The following CERK variants were observed in gnomAD, a reference collection of about 807,000 sequenced individuals.
CERK encodes acylsphingosine kinase.
CERK carries 39 observed loss-of-function variants against 63.4 expected under a neutral mutation model. That is an observed-to-expected ratio of 0.61 (90% CI 0.48 to 0.80). The LOEUF (loss-of-function observed/expected upper bound fraction) is 0.80, where lower values mean the gene tolerates loss of function less well. Among genes scored for constraint, CERK ranks in the 30% least tolerant of loss-of-function variants. CERK has a pLI of 0.00. For missense variants in CERK, 670 were observed against 714.1 expected (o/e 0.94, Z 0.70); for synonymous variants, 302 against 280.0 (o/e 1.08, Z -0.78).
intron 8 of CERK, among the ~76,000 whole-genome samples, chr22:46,697,559 G>T (rs1420444398): frequency 6.6e-6 from 1 of 152,116 alleles, no homozygotes; most frequent in African/African-American, 2.4e-5. Flanking sequence ...AGGCTGAAGT[G>T]CAGTGGCACG....
Position 46,738,236 on chromosome 22 carries a change from G to A in CERK, c.-88C>T. On this transcript the variant is annotated 5_prime_UTR_variant, in exon 1 of 13. Coordinates refer to ENST00000216264, the MANE Select transcript of CERK (RefSeq NM_022766.6). ...TAGCGGCCCCTGCAGTGGCCCGGGC[G>A]GCGGGCGGCGGGCGGCGGGAGGCGG... 1 of 647,856 alleles carries A rather than the reference G, an allele frequency of 1.5e-6. No individual in the cohort carries two copies. Among genetic ancestry groups the A allele is most frequent in the Non-Finnish European group, 1.9e-6 (1 of 529,236 alleles). The allele number at this position is 647,856 out of a possible 1,614,324, so 40.1% of individuals were successfully genotyped here.
chr22:46,718,123 AG>A (rs1255298700), intron 3 of CERK, among the ~76,000 whole-genome samples: 1 of 152,220 alleles, frequency 6.6e-6, no homozygotes, highest in African/African-American at 2.4e-5. Flanking sequence ...AACAGATAAC[AG>A]GGTTAGAAGT....
intron 6 of CERK, among the ~76,000 whole-genome samples, chr22:46,705,245 G>C (rs904053070): frequency 6.6e-6 from 1 of 152,252 alleles, no homozygotes; most frequent in African/African-American, 2.4e-5. Flanking sequence ...AAGATGCAGA[G>C]AGAGTATGGA....
chr22:46,702,963 C>A (rs1158901443), intron 6 of CERK, among the ~76,000 whole-genome samples: 1 of 152,172 alleles, frequency 6.6e-6, no homozygotes, highest in Admixed American at 6.5e-5. Context: ...GAGTAACGAC[C>A]AACCACATGC....
chr22:46,736,703 T>C (rs1465996563), intron 1 of CERK, among the ~76,000 whole-genome samples: 3 of 152,146 alleles, frequency 2.0e-5, no homozygotes, highest in Non-Finnish European at 4.4e-5. Flanking sequence ...CAGCCACAGA[T>C]AGGTGACCCC....
chr22:46,689,683 C>A (rs1171694176), intron 12 of CERK, among the ~76,000 whole-genome samples: 1 of 152,054 alleles, frequency 6.6e-6, no homozygotes, highest in Admixed American at 6.6e-5. Context: ...GGGCAAAGAG[C>A]CCAATGCCAG....
chr22:46,710,415 G>A (rs1175440920), intron 5 of CERK, among the ~76,000 whole-genome samples: 2 of 146,640 alleles, frequency 1.4e-5, no homozygotes, highest in Admixed American at 6.9e-5. Flanking sequence ...CAACAAGAGC[G>A]AAACTCTGCC....
At chr22:46,732,152 G>A (rs546457903) in intron 1 of CERK, among the ~76,000 whole-genome samples, 39 of 152,232 alleles carry the variant, frequency 2.6e-4, no homozygotes, top group Admixed American at 7.2e-4. Context: ...CCGGACAGCC[G>A]AATCGAGAAC....
At chr22:46,732,694 GA>G (rs1171029879) in intron 1 of CERK, among the ~76,000 whole-genome samples, 1 of 151,496 alleles carries the variant, frequency 6.6e-6, no homozygotes, top group East Asian at 1.9e-4. Context: ...GAAGCGTCCT[GA>G]AACTTCCCCA....
At chr22:46,707,762 G>C (rs1333723465) in intron 6 of CERK, 81 bp downstream of exon 6, 1 of 1,473,966 alleles carries the variant, frequency 6.8e-7, no homozygotes, top group East Asian at 2.3e-5. Flanking sequence ...GGGTTATTAA[G>C]TGTCCGAGGT....
chr22:46,738,066 G>A lies in CERK; in HGVS notation c.83C>T (p.Ala28Val). The A allele has an allele frequency of 7.9e-7, 1 of 1,261,048 alleles. No homozygotes were observed. Among genetic ancestry groups the A allele is most frequent in the Non-Finnish European group, 1.0e-6 (1 of 998,798 alleles). 78.1% of individuals were successfully genotyped at this position (1,261,048 alleles called of 1,614,324 possible). Reference sequence around the variant, plus strand: ...CCGCCACCAGCGCAGCAGAGCCCGCGCGGGCTCCAGGCTCACGGCGCAGCG... The same window carrying A: ...CCGCCACCAGCGCAGCAGAGCCCGCACGGGCTCCAGGCTCACGGCGCAGCG... The part of the protein sequence containing the change: ...QQRCAVSLEP[A>V]RALLRWWRSP... Residue 28 changes from alanine (A) to valine (V), a missense_variant, in exon 1 of 13, where the codon GCG becomes GTG. Physicochemically the swap from Ala to Val is moderately conservative, Grantham distance 64. Coordinates refer to ENST00000216264, the MANE Select transcript of CERK (RefSeq NM_022766.6).
intron 1 of CERK, among the ~76,000 whole-genome samples, chr22:46,726,715 G>C (rs375804572): frequency 6.6e-6 from 1 of 152,128 alleles, no homozygotes; most frequent in African/African-American, 2.4e-5. Context: ...CCACTGCCAG[G>C]GAGAGTCCAG....
Position 46,714,037 on chromosome 22 carries a change from G to A in CERK, c.380-1744C>T, listed in dbSNP as rs57858017. On this transcript the variant is annotated intron_variant, in intron 3 of 12. Coordinates refer to ENST00000216264, the MANE Select transcript of CERK (RefSeq NM_022766.6). The surrounding 1 kb of genome is among the most constrained non-coding windows in gnomAD (Gnocchi z 4.4). ...GTTAATCCCAACACTTTGGGAGGCC[G>A]AGGTGGGCAGATCACTTGAGGTCAG... Among the ~76,000 whole-genome samples the A allele has an allele frequency of 6.9e-3, 1,055 of 152,316 alleles. 12 individuals are homozygous for A. Among genetic ancestry groups the A allele is most frequent in the African/African-American group, 0.024 (1,003 of 41,574 alleles).
At chr22:46,730,589 T>C (rs1454071567) in intron 1 of CERK, among the ~76,000 whole-genome samples, 1 of 152,180 alleles carries the variant, frequency 6.6e-6, no homozygotes, top group Non-Finnish European at 1.5e-5. Context: ...GCAGAAAGAA[T>C]CTATTCTAAA....
chr22:46,690,663 T>C (rs2082725823), intron 11 of CERK, among the ~76,000 whole-genome samples: 1 of 152,070 alleles, frequency 6.6e-6, no homozygotes, highest in African/African-American at 2.4e-5. Context: ...AAAAAAGAAA[T>C]GTGACTAAAT....
Position 46,685,081 on chromosome 22 carries a change from G to C in CERK, c.*2053C>G, listed in dbSNP as rs1391526186. 7.3e-6 allele frequency: 1 copy of C among 137,428 alleles called. No individual in the cohort carries two copies. The highest frequency in any genetic ancestry group is 3.0e-5 in the African/African-American group (1 of 33,460). The allele number at this position is 137,428 out of a possible 1,614,324, so 8.5% of individuals were successfully genotyped here. A position where few individuals can be genotyped will look rare whatever the true frequency, so the allele number is the denominator to read the frequency against. ...TGGGAAACTTTTTTTTTTGTTGGGGGGGGCGATGGAGTCTCCCTCTGTTTG... is the reference window on the plus strand; with the variant it reads ...TGGGAAACTTTTTTTTTTGTTGGGGCGGGCGATGGAGTCTCCCTCTGTTTG... On this transcript the variant is annotated 3_prime_UTR_variant, in exon 13 of 13. Transcript: ENST00000216264.
Position 46,707,912 on chromosome 22 carries a change from C to T in CERK, c.646G>A (p.Gly216Arg), listed in dbSNP as rs139346073. The T allele has an allele frequency of 1.3e-5, 21 of 1,613,788 alleles. No individual in the cohort carries two copies. Among genetic ancestry groups the T allele is most frequent in the African/African-American group, 5.3e-5 (4 of 74,914 alleles). ...GLIGRTQRSA[G>R]VDQNHPRAVL... Reference sequence around the variant, plus strand: ...GCCCGGGGGTGGTTCTGGTCGACCCCGGCGCTCCTCTGCGTCCTCCCAATC... The same window carrying T: ...GCCCGGGGGTGGTTCTGGTCGACCCTGGCGCTCCTCTGCGTCCTCCCAATC... The change falls in exon 6 of 13, where the codon GGG becomes AGG. Residue 216 changes from glycine to arginine, a missense_variant. Coordinates refer to ENST00000216264, the MANE Select transcript of CERK (RefSeq NM_022766.6).
At chr22:46,696,942 G>T (rs2082759590) in intron 8 of CERK, among the ~76,000 whole-genome samples, 1 of 152,210 alleles carries the variant, frequency 6.6e-6, no homozygotes, top group Non-Finnish European at 1.5e-5. Flanking sequence ...GCCACACTGG[G>T]CTCAACAAAG....
intron 1 of CERK, among the ~76,000 whole-genome samples, chr22:46,722,359 G>A (rs909885968): frequency 2.0e-5 from 3 of 152,102 alleles, no homozygotes; most frequent in Non-Finnish European, 2.9e-5. Flanking sequence ...GGGGCCTCCT[G>A]ATTCCCTCTG....
Sources: gnomAD v4.1 joint callset for allele counts (sites outside exome capture counted in the v4.1 genomes callset) on GRCh38, gnomAD v4.1.1 for gene constraint, Gnocchi (gnomAD v3.1) non-coding constraint, MANE v1.5 for transcripts, NCBI Gene and HGNC (gene_info 2026-07-23, HGNC 2026-07-21) for gene names.